Variants in DNM3 observed in about 807,000 individuals in gnomAD.
The protein encoded by DNM3 is dynamin 3.
DNM3 carries 47 observed loss-of-function variants against 101.6 expected under a neutral mutation model. The ratio of observed to expected loss-of-function variants is 0.46; its 90% CI spans 0.37 to 0.59. The LOEUF is 0.59. DNM3 is among the 20% of genes least tolerant of loss of function. The pLI is 0.00. For missense variants in DNM3, 849 were observed against 1,085.7 expected (o/e 0.78, Z 3.06); for synonymous variants, 385 against 387.9 (o/e 0.99, Z 0.09).
chr1:172,168,851 A>G (rs1196922793), intron 14 of DNM3, among the ~76,000 whole-genome samples: 1 of 151,918 alleles, frequency 6.6e-6, no homozygotes, highest in East Asian at 1.9e-4. Flanking sequence ...GCTGCACCAA[A>G]TTGCCAAGTT....
chr1:171,865,013 C>T (rs912553047), intron 1 of DNM3, among the ~76,000 whole-genome samples: 10 of 152,052 alleles, frequency 6.6e-5, no homozygotes, highest in East Asian at 1.9e-4. Flanking sequence ...CTTAATTGGA[C>T]GGAGAGACAT....
intron 14 of DNM3, among the ~76,000 whole-genome samples, chr1:172,213,135 A>G (rs1237133282): frequency 6.6e-6 from 1 of 152,090 alleles, no homozygotes; most frequent in African/African-American, 2.4e-5. Flanking sequence ...CCTCTGAACA[A>G]CAGGAGAGCA....
chr1:172,017,710 C>T (rs983324848), intron 4 of DNM3, among the ~76,000 whole-genome samples: 8 of 152,028 alleles, frequency 5.3e-5, no homozygotes, highest in Admixed American at 4.6e-4. Flanking sequence ...TCCATTATAT[C>T]CAGTTGATTA....
intron 1 of DNM3, among the ~76,000 whole-genome samples, chr1:171,885,109 A>G (rs1412143397): frequency 1.3e-5 from 2 of 152,164 alleles, no homozygotes; most frequent in Non-Finnish European, 2.9e-5. Context: ...ACTCCAGGGC[A>G]CAAGGAGGGC....
At chr1:172,290,774 C>T (rs2063879811) in intron 15 of DNM3, among the ~76,000 whole-genome samples, 1 of 151,976 alleles carries the variant, frequency 6.6e-6, no homozygotes, top group Admixed American at 6.6e-5. Flanking sequence ...TATGAAAGGC[C>T]ACCATACTGG....
At chr1:171,939,164 A>G (rs1428640385) in intron 2 of DNM3, among the ~76,000 whole-genome samples, 1 of 152,156 alleles carries the variant, frequency 6.6e-6, no homozygotes, top group East Asian at 1.9e-4. Flanking sequence ...ATTGAGATCA[A>G]TTTTTGCTCA....
At chr1:172,203,995 A>T (rs2060242851) in intron 14 of DNM3, among the ~76,000 whole-genome samples, 2 of 152,178 alleles carry the variant, frequency 1.3e-5, no homozygotes, top group Admixed American at 1.3e-4. Flanking sequence ...GGCTGGTACC[A>T]AGGGTGTCAT....
intron 2 of DNM3, among the ~76,000 whole-genome samples, chr1:171,977,704 G>T (rs898458108): frequency 6.6e-6 from 1 of 152,052 alleles, no homozygotes; most frequent in Non-Finnish European, 1.5e-5. Context: ...AAATATTCCT[G>T]GTTTTCCTTC....
intron 1 of DNM3, among the ~76,000 whole-genome samples, chr1:171,867,687 G>A (rs2034891776): frequency 6.6e-6 from 1 of 152,044 alleles, no homozygotes; most frequent in Non-Finnish European, 1.5e-5. Flanking sequence ...TATCCACTTT[G>A]GACATTTTTA....
At chr1:172,348,853 G>A (rs2067067574) in intron 17 of DNM3, among the ~76,000 whole-genome samples, 1 of 152,158 alleles carries the variant, frequency 6.6e-6, no homozygotes, top group Admixed American at 6.5e-5. Flanking sequence ...AAAAGACTAA[G>A]GCTTGGAGAG....
intron 2 of DNM3, among the ~76,000 whole-genome samples, chr1:171,929,127 T>C (rs945711954): frequency 6.6e-6 from 1 of 151,968 alleles, no homozygotes; most frequent in Non-Finnish European, 1.5e-5. Context: ...CTGTGCTCTG[T>C]TGGGGCATCT....
chr1:171,881,219 C>A (rs1236103640), intron 1 of DNM3, among the ~76,000 whole-genome samples: 2 of 152,142 alleles, frequency 1.3e-5, no homozygotes, highest in Non-Finnish European at 1.5e-5. Context: ...AAATCAACCA[C>A]AAATTACCAT....
intron 11 of DNM3, among the ~76,000 whole-genome samples, chr1:172,077,082 G>T (rs897296869): frequency 5.9e-5 from 9 of 152,058 alleles, no homozygotes; most frequent in African/African-American, 1.9e-4. Context: ...ATTTTTTCTA[G>T]ATTTTCTAGT....
At chr1:172,249,901 G>C (rs1557880819) in intron 14 of DNM3, among the ~76,000 whole-genome samples, 1 of 151,940 alleles carries the variant, frequency 6.6e-6, no homozygotes, top group Non-Finnish European at 1.5e-5. Context: ...GTTAGAGCAA[G>C]CCAGGGAATA....
At chr1:172,338,082 G>A (rs2066527300) in intron 17 of DNM3, among the ~76,000 whole-genome samples, 1 of 151,070 alleles carries the variant, frequency 6.6e-6, no homozygotes, top group South Asian at 2.1e-4. Context: ...AAGCCCGGCT[G>A]ATTTTTGTAT....
chr1:172,044,204 A>G (rs1035181419), intron 8 of DNM3, among the ~76,000 whole-genome samples, 181 bp from the exon 9 acceptor site: 3 of 152,168 alleles, frequency 2.0e-5, no homozygotes, highest in East Asian at 3.9e-4. Flanking sequence ...CAAAATCCCT[A>G]GTGTTCTGTG....
chr1:171,880,678 C>A (rs1301117432), intron 1 of DNM3, among the ~76,000 whole-genome samples: 2 of 152,022 alleles, frequency 1.3e-5, no homozygotes, highest in Non-Finnish European at 2.9e-5. Flanking sequence ...GTGTTTCCTG[C>A]AATATTTTCA....
At position 172,295,552 on chromosome 1, in the gene DNM3, A is replaced by G. The variant is rs75200202; in HGVS notation, c.1770-13176A>G. On this transcript the variant is annotated intron_variant, in intron 15 of 20. Transcript: ENST00000627582. ...TGAATTGTATGTGTATATATAAAAT[A>G]TACGTATATATATACAAAAGTGAAT... 1.3e-3 allele frequency among the ~76,000 whole-genome samples: 195 copies of G among 152,294 alleles called. 4 individuals are homozygous for G. In the East Asian group the frequency reaches 0.037, roughly 29 times the overall value.
intron 1 of DNM3, among the ~76,000 whole-genome samples, chr1:171,897,941 C>A (rs1036038753): frequency 6.6e-6 from 1 of 150,924 alleles, no homozygotes; most frequent in Admixed American, 6.6e-5. Flanking sequence ...TTGACTAATA[C>A]TTGTATTTGT....
Sources: gnomAD v4.1 joint callset for allele counts (sites outside exome capture counted in the v4.1 genomes callset) on GRCh38, gnomAD v4.1.1 for gene constraint, MANE v1.5 for transcripts, NCBI Gene and HGNC (gene_info 2026-07-23, HGNC 2026-07-21) for gene names.